The following LRP1B variants were observed in gnomAD, a reference collection of about 807,000 sequenced individuals.
LRP1B encodes LDL receptor related protein 1B.
Under a neutral mutation model 556.6 loss-of-function variants are expected in LRP1B, and 217 were observed. That is an observed-to-expected ratio of 0.39 (90% confidence interval 0.35 to 0.44). The LOEUF (loss-of-function observed/expected upper bound fraction) is 0.44. LRP1B is among the 20% of genes least tolerant of loss of function. The pLI is 1.00. For missense variants in LRP1B, 5,053 were observed against 5,620.8 expected, an observed-to-expected ratio of 0.90 and a Z score of 3.23; for synonymous variants, 2,047 against 1,865.8, an observed-to-expected ratio of 1.10 and a Z score of -2.50.
chr2:140,557,105 T>C (rs1036572457), intron 43 of LRP1B, among the ~76,000 whole-genome samples: 19 of 152,130 alleles, frequency 1.2e-4, no homozygotes, highest in Non-Finnish European at 1.5e-5. Flanking sequence ...TCAATCAAAT[T>C]TATTACAGTA....
At chr2:142,003,888 C>A (rs1702728872) in intron 1 of LRP1B, among the ~76,000 whole-genome samples, 1 of 152,208 alleles carries the variant, frequency 6.6e-6, no homozygotes, top group Non-Finnish European at 1.5e-5. Context: ...AGGCCTTGCC[C>A]TGCCACATAT....
At chr2:141,142,562 G>T (rs1363944074) in intron 7 of LRP1B, among the ~76,000 whole-genome samples, 4 of 152,140 alleles carry the variant, frequency 2.6e-5, no homozygotes, top group Admixed American at 6.5e-5. Flanking sequence ...AACAGAACAT[G>T]ATTGAAAGCA....
At chr2:141,372,729 C>A (rs568111886) in intron 3 of LRP1B, among the ~76,000 whole-genome samples, 2 of 152,088 alleles carry the variant, frequency 1.3e-5, no homozygotes, top group East Asian at 3.9e-4. Context: ...TGTAATATCT[C>A]CTTTTTCATT....
chr2:141,780,230 A>C (rs975580655), intron 2 of LRP1B, among the ~76,000 whole-genome samples: 1 of 152,092 alleles, frequency 6.6e-6, no homozygotes, highest in African/African-American at 2.4e-5. Context: ...TTATAGGAAA[A>C]TGTCAAACAA....
chr2:140,386,151 G>A, intron 66 of LRP1B, 142 bp from the exon 67 acceptor site: 4 of 638,350 alleles, frequency 6.3e-6, no homozygotes, highest in Non-Finnish European at 1.1e-5. Context: ...AAAATTGAAG[G>A]CAAGTGCTGA....
At chr2:141,377,736 T>C (rs1029282676) in intron 3 of LRP1B, among the ~76,000 whole-genome samples, 1 of 151,942 alleles carries the variant, frequency 6.6e-6, no homozygotes, top group African/African-American at 2.4e-5. Flanking sequence ...ATATTACATT[T>C]CTTTTAAATT....
chr2:140,239,847 G>A (rs1012354316), intron 87 of LRP1B, among the ~76,000 whole-genome samples: 1 of 151,002 alleles, frequency 6.6e-6, no homozygotes, highest in Admixed American at 6.6e-5. Flanking sequence ...AATGATGCAA[G>A]TACCTGCTAG....
At chr2:141,762,716 G>A (rs982914865) in intron 2 of LRP1B, among the ~76,000 whole-genome samples, 1 of 152,156 alleles carries the variant, frequency 6.6e-6, no homozygotes, top group Admixed American at 6.5e-5. Flanking sequence ...GCTGGGGGTT[G>A]AGGATAAGAA....
intron 66 of LRP1B, among the ~76,000 whole-genome samples, chr2:140,415,402 T>C (rs938799108): frequency 1.3e-5 from 2 of 152,198 alleles, no homozygotes; most frequent in Non-Finnish European, 2.9e-5. Context: ...TCCCTGTTCT[T>C]ACACCCCCTC....
At chr2:140,527,254 G>A (rs908195726) in intron 47 of LRP1B, among the ~76,000 whole-genome samples, 3 of 151,870 alleles carry the variant, frequency 2.0e-5, no homozygotes, top group African/African-American at 7.2e-5. Context: ...GACATGCTAT[G>A]TATGTTAAAT....
At chr2:141,313,327 T>C (rs116158341) in intron 3 of LRP1B, among the ~76,000 whole-genome samples, 1,812 of 152,128 alleles carry the variant, frequency 0.012, 40 homozygotes, top group African/African-American at 0.042. Flanking sequence ...GCATACTCCT[T>C]AGAAATTTTT....
intron 1 of LRP1B, among the ~76,000 whole-genome samples, chr2:142,091,140 A>G (rs1458992067): frequency 1.3e-5 from 2 of 152,162 alleles, no homozygotes; most frequent in Non-Finnish European, 2.9e-5. Flanking sequence ...AAAAAACTGA[A>G]TAAGAAGACT....
At chr2:140,976,665 G>T (rs930260022) in intron 18 of LRP1B, among the ~76,000 whole-genome samples, 6 of 151,230 alleles carry the variant, frequency 4.0e-5, no homozygotes, top group Non-Finnish European at 2.9e-5. Flanking sequence ...GCATTACCAC[G>T]CCCCACTAAT....
At chr2:140,357,269 A>T (rs1168778423) in intron 74 of LRP1B, among the ~76,000 whole-genome samples, 1 of 151,616 alleles carries the variant, frequency 6.6e-6, no homozygotes, top group Non-Finnish European at 1.5e-5. Context: ...AATATTTTGC[A>T]ATTAGTTAAA....
intron 5 of LRP1B, among the ~76,000 whole-genome samples, chr2:141,239,977 T>A (rs1476112976): frequency 1.3e-5 from 2 of 152,122 alleles, no homozygotes; most frequent in African/African-American, 4.8e-5. Flanking sequence ...AACTTCTAGC[T>A]ACTTTATCAG....
At chr2:140,321,707 CTG>C (rs928620868) in intron 82 of LRP1B, among the ~76,000 whole-genome samples, 4 of 152,016 alleles carry the variant, frequency 2.6e-5, no homozygotes, top group Admixed American at 1.3e-4. Context: ...TCTTTTGGGT[CTG>C]TGAGTGACTT....
chr2:142,024,837 G>T (rs1703454256), intron 1 of LRP1B, among the ~76,000 whole-genome samples: 1 of 151,736 alleles, frequency 6.6e-6, no homozygotes, highest in Non-Finnish European at 1.5e-5. Flanking sequence ...TCTGGCTCCT[G>T]AATACACATT....
At chr2:142,024,794 ATTC>A (rs1320430637) in intron 1 of LRP1B, among the ~76,000 whole-genome samples, 2 of 152,004 alleles carry the variant, frequency 1.3e-5, no homozygotes, top group South Asian at 2.1e-4. Context: ...ACTACCTGTC[ATTC>A]TTCTTCTGAT....
At chr2:141,591,418 GA>G (rs138888694) in intron 2 of LRP1B, among the ~76,000 whole-genome samples, 11,776 of 145,450 alleles carry the variant, frequency 0.081, 609 homozygotes, top group African/African-American at 0.14. Context: ...CAGGCCATAG[GA>G]AAAAAAAAAT....
Sources: gnomAD v4.1 joint callset for allele counts (sites outside exome capture counted in the v4.1 genomes callset) on GRCh38, gnomAD v4.1.1 for gene constraint, MANE v1.5 for transcripts, NCBI Gene and HGNC (gene_info 2026-07-23, HGNC 2026-07-21) for gene names.